SRBD1: variants seen among roughly 807,000 people sequenced by gnomAD.
SRBD1 encodes S1 RNA-binding domain-containing protein 1.
In SRBD1, 88 loss-of-function variants were observed where a neutral mutation model predicts 115.3. That is an observed-to-expected ratio of 0.76 (90% CI 0.64 to 0.91). The LOEUF (loss-of-function observed/expected upper bound fraction) is 0.91. SRBD1 is among the 40% of genes least tolerant of loss of function. The pLI, the probability that SRBD1 is intolerant of heterozygous loss-of-function variation, is 0.00. For missense variants in SRBD1, 1,385 were observed against 1,177.4 expected, an observed-to-expected ratio of 1.18 and a Z score of -2.58; for synonymous variants, 509 against 407.7, an observed-to-expected ratio of 1.25 and a Z score of -2.99.
chr2:45,390,728 C>T (rs545485449), intron 20 of SRBD1, among the ~76,000 whole-genome samples: 32 of 152,310 alleles, frequency 2.1e-4, no homozygotes, highest in African/African-American at 7.2e-4. Context: ...TTTGTATTAA[C>T]AACTGGTCAC....
In SRBD1 at chr2:45,558,006, A is replaced by AT. The variant is rs1298244897; in HGVS notation, c.1410-4277dup. On this transcript the variant is annotated intron_variant, in intron 10 of 20. Coordinates refer to ENST00000263736, the MANE Select transcript of SRBD1 (RefSeq NM_018079.5). ...AAGAAATATGCTCTCCCAACTTCATATATATAAGATAAAGACAGGCTCTCT... is the reference window on the plus strand; with the variant it reads ...AAGAAATATGCTCTCCCAACTTCATATTATATAAGATAAAGACAGGCTCTCT... Among the ~76,000 whole-genome samples the AT allele has an allele frequency of 2.0e-5, 3 of 152,226 alleles. No homozygotes were observed. In the East Asian group the frequency reaches 5.8e-4, roughly 29 times the overall value.
In SRBD1 at chr2:45,573,328, T is replaced by C. The variant is rs138338682; in HGVS notation, c.1184A>G (p.His395Arg). The change falls in exon 9 of 21, where the codon CAT becomes CGT. Residue 395 changes from histidine to arginine, a missense_variant. Transcript: ENST00000263736. ...TGCCAGAGATGACTGGATACAAACA[T>C]GTCTCTTCTGGCACCTGTTCAGATA... is the stretch of plus-strand genomic sequence containing the variant. Reference protein sequence around the residue: ...DFIRNLCQKRHVCIQSSLAKV... With the variant: ...DFIRNLCQKRRVCIQSSLAKV... The C allele has an allele frequency of 3.8e-4, 609 of 1,609,804 alleles. 5 individuals carry two copies. In the African/African-American group the frequency reaches 7.6e-3, roughly 20 times the overall value.
At chr2:45,418,920 G>A (rs1202965959) in intron 17 of SRBD1, among the ~76,000 whole-genome samples, 1 of 152,110 alleles carries the variant, frequency 6.6e-6, no homozygotes, top group African/African-American at 2.4e-5. Flanking sequence ...GTTAGAAGAA[G>A]TTATAATAGC....
Position 45,392,868 on chromosome 2 carries a change from G to C in SRBD1, c.2698+77C>G, listed in dbSNP as rs143746365. On this transcript the variant is annotated intron_variant, in intron 20 of 20. Coordinates refer to ENST00000263736, the MANE Select transcript of SRBD1 (RefSeq NM_018079.5). ...TAATATCCATTCTGCTTATGGCATA[G>C]GATTGCTGTGAGGATCAAAGGAGAT... 5.6e-5 allele frequency: 74 copies of C among 1,320,054 alleles called. 1 individual carries two copies. The East Asian group carries it at 1.8e-3, about 31-fold the overall frequency. 81.8% of individuals were successfully genotyped at this position (1,320,054 alleles called of 1,614,324 possible).
chr2:45,502,779 G>T (rs1670676535), intron 14 of SRBD1, among the ~76,000 whole-genome samples: 1 of 151,774 alleles, frequency 6.6e-6, no homozygotes, highest in South Asian at 2.1e-4. Flanking sequence ...GTATACATAT[G>T]TAACAAACCT....
Position 45,440,583 on chromosome 2 carries a change from A to C in SRBD1, c.2050-20689T>G, listed in dbSNP as rs181889829. Among the ~76,000 whole-genome samples, 91 of 152,364 alleles carry C rather than the reference A, an allele frequency of 6.0e-4. 3 individuals carry two copies. Among genetic ancestry groups the C allele is most frequent in the Admixed American group, 5.4e-3 (83 of 15,302 alleles). ...ACATATGCATGAACAAATGCACACC[A>C]ATTAGCTACACATTTTGACCTGACA... is the stretch of plus-strand genomic sequence containing the variant. On this transcript the variant is annotated intron_variant, in intron 16 of 20. Coordinates refer to ENST00000263736, the MANE Select transcript of SRBD1 (RefSeq NM_018079.5).
At chr2:45,414,093 C>T (rs563254913) in intron 18 of SRBD1, among the ~76,000 whole-genome samples, 9 of 152,248 alleles carry the variant, frequency 5.9e-5, no homozygotes, top group South Asian at 4.1e-4. Context: ...AGATTTCTCA[C>T]TGGCAAACAT....
chr2:45,389,792 A>C (rs1666948020), intron 20 of SRBD1, among the ~76,000 whole-genome samples, 193 bp from the exon 21 acceptor site: 1 of 152,224 alleles, frequency 6.6e-6, no homozygotes, highest in South Asian at 2.1e-4. Context: ...GCATTCATGC[A>C]GTAGAAACAA....
At chr2:45,541,586 C>T (rs1049142055) in intron 14 of SRBD1, among the ~76,000 whole-genome samples, 3 of 152,188 alleles carry the variant, frequency 2.0e-5, no homozygotes, top group African/African-American at 7.2e-5. Context: ...AGCTCCTTTC[C>T]GCAGGCAGGT....
chr2:45,559,166 T>C (rs994925390), intron 10 of SRBD1, among the ~76,000 whole-genome samples: 10 of 152,324 alleles, frequency 6.6e-5, no homozygotes, highest in African/African-American at 2.4e-4. Context: ...TCTTGTGCCA[T>C]ATCTACTCTT....
chr2:45,453,947 C>T (rs1445497349), intron 16 of SRBD1, among the ~76,000 whole-genome samples: 3 of 151,946 alleles, frequency 2.0e-5, no homozygotes, highest in African/African-American at 7.2e-5. Context: ...ATCTCCAGTT[C>T]ATTTTAAACC....
At chr2:45,484,440 C>G (rs1161625908) in intron 15 of SRBD1, among the ~76,000 whole-genome samples, 2 of 152,170 alleles carry the variant, frequency 1.3e-5, no homozygotes, top group East Asian at 3.8e-4. Flanking sequence ...CATCCCCACT[C>G]TCATTTGTAA....
At chr2:45,493,836 T>A (rs1167811347) in intron 14 of SRBD1, among the ~76,000 whole-genome samples, 2 of 151,008 alleles carry the variant, frequency 1.3e-5, no homozygotes, top group Non-Finnish European at 3.0e-5. Flanking sequence ...ATAAAATAAA[T>A]TAGGTAATCT....
intron 19 of SRBD1, among the ~76,000 whole-genome samples, chr2:45,397,251 T>C (rs577887562): frequency 2.0e-5 from 3 of 152,304 alleles, no homozygotes; most frequent in East Asian, 1.9e-4. Flanking sequence ...GGGACATAAA[T>C]GCAAGTTCAG....
rs1572723319 is a variant in SRBD1, at chr2:45,516,385, A to G, written c.1875-28054T>C. ...ACATTCTGAAAAAGTACCATAAAAT[A>G]TGCACATGCAATAAGATACTATTCG... On this transcript the variant is annotated intron_variant, in intron 14 of 20. Coordinates refer to ENST00000263736, the MANE Select transcript of SRBD1 (RefSeq NM_018079.5). 5.9e-5 allele frequency among the ~76,000 whole-genome samples: 9 copies of G among 152,358 alleles called. No individual in the cohort carries two copies. The South Asian group carries it at 1.9e-3, about 32-fold the overall frequency.
At chr2:45,421,506 CAAACAAAAAAAAAA>C (rs1668001963) in intron 16 of SRBD1, among the ~76,000 whole-genome samples, 25 of 48,082 alleles carry the variant, frequency 5.2e-4, no homozygotes, top group East Asian at 1.4e-3. Context: ...GACTCCGTCT[CAAACAAAAAAAAAA>C]AAAAAAAAAA....
At chr2:45,548,475 T>C (rs191081216) in intron 12 of SRBD1, among the ~76,000 whole-genome samples, 1 of 152,110 alleles carries the variant, frequency 6.6e-6, no homozygotes, top group African/African-American at 2.4e-5. Context: ...AAACAGATAA[T>C]TAGAAATATC....
At chr2:45,504,666 A>C (rs58179490) in intron 14 of SRBD1, among the ~76,000 whole-genome samples, 53,947 of 151,790 alleles carry the variant, frequency 0.36, 10,708 homozygotes, top group Non-Finnish European at 0.46. Context: ...GCAAAAACTT[A>C]TCACTTATCA....
Position 45,396,144 on chromosome 2 carries a change from T to G in SRBD1, c.2514-3015A>C, listed in dbSNP as rs78954511. 5.3e-3 allele frequency among the ~76,000 whole-genome samples: 808 copies of G among 152,218 alleles called. 6 individuals are homozygous for G. Among genetic ancestry groups the G allele is most frequent in the African/African-American group, 0.018 (754 of 41,548 alleles). On this transcript the variant is annotated intron_variant, in intron 19 of 20. Coordinates refer to ENST00000263736, the MANE Select transcript of SRBD1 (RefSeq NM_018079.5). Reference sequence around the variant, plus strand: ...ATCATACAGAAAAAAAAAATGAGGTTCAGGGAGTTTAAATAACTTGTCCAA... The same window carrying G: ...ATCATACAGAAAAAAAAAATGAGGTGCAGGGAGTTTAAATAACTTGTCCAA...
Sources: gnomAD v4.1 joint callset for allele counts (sites outside exome capture counted in the v4.1 genomes callset) on GRCh38, gnomAD v4.1.1 for gene constraint, MANE v1.5 for transcripts, NCBI Gene and HGNC (gene_info 2026-07-23, HGNC 2026-07-21) for gene names.